The following KCNQ2 variants were observed in gnomAD, a reference collection of about 807,000 sequenced individuals.
The protein encoded by KCNQ2 is potassium voltage-gated channel subfamily Q member 2.
KCNQ2 carries 14 observed loss-of-function variants against 84.8 expected under a neutral mutation model. That is an observed-to-expected ratio of 0.17 (90% confidence interval 0.11 to 0.26). The LOEUF (loss-of-function observed/expected upper bound fraction) is 0.26. KCNQ2 is among the 10% of genes least tolerant of loss of function. KCNQ2 has a pLI of 1.00. For missense variants in KCNQ2, 788 were observed against 1,254.0 expected (o/e 0.63, Z 5.61); for synonymous variants, 599 against 554.1 (o/e 1.08, Z -1.14).
At chr20:63,452,578 GT>G (rs1382698286) in intron 1 of KCNQ2, among the ~76,000 whole-genome samples, 1 of 152,244 alleles carries the variant, frequency 6.6e-6, no homozygotes, top group Non-Finnish European at 1.5e-5. Context: ...TATACAGAGT[GT>G]ATGCATACAG....
At chr20:63,439,090 G>A (rs1223669341) in intron 6 of KCNQ2, among the ~76,000 whole-genome samples, 1 of 152,204 alleles carries the variant, frequency 6.6e-6, no homozygotes, top group African/African-American at 2.4e-5. Flanking sequence ...CCACACAGAA[G>A]AGTCTGCAGG....
At position 63,414,756 on chromosome 20, in the gene KCNQ2, G is replaced by T. The variant is rs143936389; in HGVS notation, c.1525+147C>A. ...AAATAGTTAATTTTAGGTTGCACAA[G>T]TCTCACCTCAATTTTAGAAAGGATA... On this transcript the variant is annotated intron_variant, in intron 13 of 16. Coordinates refer to ENST00000359125, the MANE Select transcript of KCNQ2 (RefSeq NM_172107.4). The surrounding 1 kb of genome is among the most constrained non-coding windows in gnomAD (Gnocchi z 6.6). 6 of 774,312 alleles carry T rather than the reference G, an allele frequency of 7.7e-6. No individual in the cohort carries two copies. The highest frequency in any genetic ancestry group is 1.3e-5 in the Non-Finnish European group (6 of 444,980). The allele number at this position is 774,312 out of a possible 1,614,324, so 48.0% of individuals were successfully genotyped here. A position where few individuals can be genotyped will look rare whatever the true frequency, so the allele number is the denominator to read the frequency against.
At chr20:63,471,795 C>G (rs1049043196) in intron 1 of KCNQ2, 1 of 202,144 alleles carries the variant, frequency 4.9e-6, no homozygotes, top group Non-Finnish European at 9.8e-6. Flanking sequence ...CGCGGGTCCC[C>G]GAGAGTCCCG....
intron 1 of KCNQ2, among the ~76,000 whole-genome samples, chr20:63,449,966 C>T (rs2081557874): frequency 6.6e-6 from 1 of 152,070 alleles, no homozygotes; most frequent in Admixed American, 6.5e-5. Flanking sequence ...CCGTCCCGCA[C>T]CATCAGTGCC....
At chr20:63,435,307 G>A (rs533280775) in intron 7 of KCNQ2, among the ~76,000 whole-genome samples, 2 of 151,106 alleles carry the variant, frequency 1.3e-5, no homozygotes, top group Admixed American at 1.3e-4. Context: ...AGGATCGCTT[G>A]AACCTGGCAG....
intron 1 of KCNQ2, among the ~76,000 whole-genome samples, chr20:63,456,354 G>A (rs938364181): frequency 2.6e-5 from 4 of 152,198 alleles, no homozygotes; most frequent in African/African-American, 9.7e-5. Context: ...TGGGCCCCCC[G>A]AGTCAGTCCC....
chr20:63,429,916 G>A (rs2080743716), intron 9 of KCNQ2, among the ~76,000 whole-genome samples: 1 of 152,152 alleles, frequency 6.6e-6, no homozygotes, highest in African/African-American at 2.4e-5. Flanking sequence ...TGGGGCTCCT[G>A]TGAGCCCCCT....
At chr20:63,472,027 C>T in intron 1 of KCNQ2, 141 bp downstream of exon 1, 1 of 607,880 alleles carries the variant, frequency 1.6e-6, no homozygotes, top group Non-Finnish European at 2.7e-6. Context: ...CCCAGCACTC[C>T]CGCCGGGGAG....
chr20:63,417,453 T>C (rs186610417), intron 12 of KCNQ2, among the ~76,000 whole-genome samples: 1 of 152,340 alleles, frequency 6.6e-6, no homozygotes, highest in African/African-American at 2.4e-5. Context: ...AGCCACCTCC[T>C]TTCTCACGGC....
At chr20:63,444,898 T>G in intron 3 of KCNQ2, 64 bp from the exon 4 acceptor site, 1 of 1,484,412 alleles carries the variant, frequency 6.7e-7, no homozygotes, top group East Asian at 2.4e-5. Flanking sequence ...TGGAGAAAAC[T>G]CCCCACCCCG....
rs781323405 is a variant in KCNQ2 at position 63,406,800 on chromosome 20, G to A, written c.2463C>T (p.Tyr821=). Residue 821 remains tyrosine (Y), a synonymous_variant, in exon 17 of 17, where the codon TAC becomes TAT. Transcript: ENST00000359125. ...KENLDALNSC[Y]AAVAPCAKVR... is the part of the protein sequence containing the mutation. ...CTTTGGCACAAGGCGCCACGGCCGC[G>A]TAGCAGCTGTTGAGAGCATCCAGGT... The A allele has an allele frequency of 9.3e-6, 15 of 1,612,480 alleles. No homozygotes were observed. The highest frequency in any genetic ancestry group is 4.0e-5 in the African/African-American group (3 of 74,952).
At position 63,446,859 on chromosome 20, in the gene KCNQ2, T is replaced by C. The variant is rs1325274369; in HGVS notation, c.297-22A>G. On this transcript the variant is annotated intron_variant, in intron 1 of 16. Transcript: ENST00000359125. This position sits in a 1 kb window ranked among gnomAD's most constrained non-coding sequence, Gnocchi z 5.5. ...GAACCTGGGGGCAGGGAACGCGCGC[T>C]CTCAGACAGGCCGCAGCAGGGCAGC... 1 of 1,602,042 alleles carries C rather than the reference T, an allele frequency of 6.2e-7. No homozygotes were observed.
At chr20:63,470,904 G>C (rs1248697599) in intron 1 of KCNQ2, 2 of 152,192 alleles carry the variant, frequency 1.3e-5, no homozygotes, top group Non-Finnish European at 2.9e-5. Flanking sequence ...CAGGAGGTCG[G>C]AGAAGCTTCT....
chr20:63,418,690 C>T (rs1052692385), intron 12 of KCNQ2, among the ~76,000 whole-genome samples: 8 of 152,212 alleles, frequency 5.3e-5, no homozygotes, highest in African/African-American at 1.9e-4. Context: ...GGCCATGCCC[C>T]AGGCAGCCCA....
intron 2 of KCNQ2, 146 bp from the exon 3 acceptor site, chr20:63,445,510 C>T (rs962261459): frequency 8.8e-6 from 2 of 228,154 alleles, no homozygotes; most frequent in Non-Finnish European, 1.5e-5. Context: ...GACCCCCCCA[C>T]CCCTCTCCAG....
Position 63,460,554 on chromosome 20 carries a change from G to A in KCNQ2, c.296+11614C>T, listed in dbSNP as rs12329624. Among the ~76,000 whole-genome samples the A allele has an allele frequency of 1.2e-3, 175 of 150,516 alleles. No individual in the cohort carries two copies. Among genetic ancestry groups the A allele is most frequent in the African/African-American group, 4.1e-3 (169 of 40,724 alleles). ...CTCCAGTCCCTGGCCCCCTACAAAC[G>A]TCCTAGTGAGTGCTCTCTCTCGGCC... On this transcript the variant is annotated intron_variant, in intron 1 of 16. Coordinates refer to ENST00000359125, the MANE Select transcript of KCNQ2 (RefSeq NM_172107.4). This position sits in a 1 kb window ranked among gnomAD's most constrained non-coding sequence, Gnocchi z 5.4.
intron 9 of KCNQ2, among the ~76,000 whole-genome samples, chr20:63,431,017 A>G (rs905931403): frequency 1.3e-5 from 2 of 152,186 alleles, no homozygotes; most frequent in African/African-American, 2.4e-5. Flanking sequence ...GGCCAGAAGC[A>G]GGACAGAACG....
chr20:63,426,408 C>A (rs1036459018), intron 10 of KCNQ2, among the ~76,000 whole-genome samples: 14 of 152,140 alleles, frequency 9.2e-5, no homozygotes, highest in South Asian at 2.1e-4. Flanking sequence ...AACAGTGAAT[C>A]TCCTAATTTA....
chr20:63,407,804 C>T lies in KCNQ2; in HGVS notation c.1888-429G>A, dbSNP rs937672139. On this transcript the variant is annotated intron_variant, in intron 16 of 16. Coordinates refer to ENST00000359125, the MANE Select transcript of KCNQ2 (RefSeq NM_172107.4). The surrounding 1 kb of genome is among the most constrained non-coding windows in gnomAD (Gnocchi z 7.2). ...CCCTGCTCCCTGGAAGCTGGAGGAG[C>T]GGGAAGAGGAGGCCCAGGAGCAGCT... Among the ~76,000 whole-genome samples, 1 of 152,058 alleles carries T rather than the reference C, an allele frequency of 6.6e-6. No individual in the cohort carries two copies. Among genetic ancestry groups the T allele is most frequent in the African/African-American group, 2.4e-5 (1 of 41,388 alleles).
Sources: allele counts gnomAD v4.1 joint callset (sites outside exome capture counted in the v4.1 genomes callset), GRCh38; gene constraint gnomAD v4.1.1; non-coding constraint Gnocchi (gnomAD v3.1); transcripts MANE v1.5; gene names NCBI Gene and HGNC (gene_info 2026-07-23, HGNC 2026-07-21).